The following MED26 variants were observed in gnomAD, a reference collection of about 807,000 sequenced individuals.
The protein encoded by MED26 is mediator complex subunit 26.
Under a neutral mutation model 43.7 loss-of-function variants are expected in MED26, and 7 were observed. The ratio of observed to expected loss-of-function variants is 0.16; its 90% CI spans 0.09 to 0.30. The LOEUF (loss-of-function observed/expected upper bound fraction) is 0.30. MED26 is among the 10% of genes least tolerant of loss of function. The pLI is 1.00. For synonymous variants in MED26, 375 were observed against 371.1 expected (o/e 1.01, Z -0.12); for missense variants, 784 against 840.6 (o/e 0.93, Z 0.83).
rs1045031545 is a variant in MED26 at position 16,576,300 on chromosome 19, G to C, written c.1530C>G (p.Phe510Leu). The C allele has an allele frequency of 6.2e-7, 1 of 1,612,826 alleles. No homozygotes were observed. Among genetic ancestry groups the C allele is most frequent in the Non-Finnish European group, 8.5e-7 (1 of 1,180,038 alleles). The change falls in exon 3 of 3, where the codon TTC (phenylalanine) becomes TTG (leucine). Residue 510 changes from phenylalanine (F) to leucine (L), a missense_variant. Coordinates refer to ENST00000263390, the MANE Select transcript of MED26 (RefSeq NM_004831.5). This position sits in a 1 kb window ranked among gnomAD's most constrained non-coding sequence, Gnocchi z 6.8. Reference sequence around the variant, plus strand: ...CCTCCTGCTTCAGGTACTCAGACATGAAGTGGTGAGCCCCTGGGGTCTGCG... The same window carrying C: ...CCTCCTGCTTCAGGTACTCAGACATCAAGTGGTGAGCCCCTGGGGTCTGCG... Reference protein sequence around the residue: ...SGAQTPGAHHFMSEYLKQEES... With the variant: ...SGAQTPGAHHLMSEYLKQEES...
chr19:16,577,508 C>T lies in MED26; in HGVS notation c.322G>A (p.Ala108Thr), dbSNP rs780334253. 7.5e-6 allele frequency: 12 copies of T among 1,596,334 alleles called. No individual in the cohort carries two copies. Among genetic ancestry groups the T allele is most frequent in the South Asian group, 2.2e-5 (2 of 90,408 alleles). ...AGATGSANGG[A>T]HNCRPEVGAA... Reference sequence around the variant, plus strand: ...CCCACCTCCGGCCGGCAGTTGTGTGCGCCCCCGTTGGCAGAGCCGGTGGCC... The same window carrying T: ...CCCACCTCCGGCCGGCAGTTGTGTGTGCCCCCGTTGGCAGAGCCGGTGGCC... The change falls in exon 3 of 3, where the codon GCA (alanine) becomes ACA (threonine). Residue 108 changes from alanine to threonine, a missense_variant. Transcript: ENST00000263390. This position sits in a 1 kb window ranked among gnomAD's most constrained non-coding sequence, Gnocchi z 8.1.
chr19:16,621,741 C>T (rs1029574400), intron 1 of MED26, among the ~76,000 whole-genome samples: 2 of 152,096 alleles, frequency 1.3e-5, no homozygotes, highest in Non-Finnish European at 2.9e-5. Context: ...CTCACAGTGC[C>T]CCCAGACTGT....
At chr19:16,609,336 A>AAAAAAAAAAAGAGAGAGAG (rs765489188) in intron 1 of MED26, among the ~76,000 whole-genome samples, 10 of 142,260 alleles carry the variant, frequency 7.0e-5, no homozygotes, top group Non-Finnish European at 1.2e-4. Context: ...AAAAAAAAAA[A>AAAAAAAAAAAGAGAGAGAG]AGAGAGAGAA....
chr19:16,616,740 C>T (rs919471866), intron 1 of MED26, among the ~76,000 whole-genome samples: 3 of 151,980 alleles, frequency 2.0e-5, no homozygotes, highest in Admixed American at 6.6e-5. Flanking sequence ...TCTTAAGGGC[C>T]GAAGACCGTG....
rs1465855391 is a variant in MED26 at position 16,576,727 on chromosome 19, G to C, written c.1103C>G (p.Ser368Cys). Residue 368 changes from serine (S) to cysteine (C), a missense_variant, in exon 3 of 3, where the codon TCC becomes TGC. Coordinates refer to ENST00000263390, the MANE Select transcript of MED26 (RefSeq NM_004831.5). The surrounding 1 kb of genome is among the most constrained non-coding windows in gnomAD (Gnocchi z 6.8). ...GGAGTCTGGGGAAAAGCCTGCCCGG[G>C]ACAGGAGGGGCTCGGCTGGGGACAG... ...AGLSPAEPLL[S>C]RAGFSPDSSK... The C allele has an allele frequency of 6.2e-7, 1 of 1,611,788 alleles. No homozygotes were observed. The highest frequency in any genetic ancestry group is 1.7e-5 in the Admixed American group (1 of 60,018).
intron 1 of MED26, among the ~76,000 whole-genome samples, chr19:16,580,891 G>C (rs925030102): frequency 1.3e-5 from 2 of 152,158 alleles, no homozygotes; most frequent in African/African-American, 4.8e-5. Flanking sequence ...CTGCCCAGAT[G>C]ATCTCGGATC....
intron 1 of MED26, among the ~76,000 whole-genome samples, chr19:16,627,582 G>A (rs1035070655): frequency 1.3e-5 from 2 of 152,234 alleles, no homozygotes; most frequent in Admixed American, 6.5e-5. Context: ...GAGCAGTGAG[G>A]GTCGTAGAGC....
chr19:16,627,828 G>A (rs1446243556), intron 1 of MED26, 44 bp downstream of exon 1: 4 of 1,420,112 alleles, frequency 2.8e-6, no homozygotes, highest in African/African-American at 3.0e-5. Context: ...GGAGGGTCCC[G>A]GGCCCATGCG....
chr19:16,619,467 G>A (rs547725302), intron 1 of MED26, among the ~76,000 whole-genome samples: 1 of 152,308 alleles, frequency 6.6e-6, no homozygotes, highest in East Asian at 1.9e-4. Context: ...GACTAGAACG[G>A]GGGACATCAA....
chr19:16,603,965 C>T (rs2086161368), intron 1 of MED26, among the ~76,000 whole-genome samples: 1 of 152,208 alleles, frequency 6.6e-6, no homozygotes, highest in Admixed American at 6.5e-5. Context: ...TGAAAACTAC[C>T]ACCCAGCACT....
At position 16,586,036 on chromosome 19, in the gene MED26, C is replaced by T. The variant is rs1002818103; in HGVS notation, c.73-7627G>A. ...GAGTCCCAGCAGCCCCTTGGCTTGC[C>T]TCTCCATTTTCTCCACATCTGAACT... On this transcript the variant is annotated intron_variant, in intron 1 of 2. Transcript: ENST00000263390. This position sits in a 1 kb window ranked among gnomAD's most constrained non-coding sequence, Gnocchi z 5.1. Among the ~76,000 whole-genome samples, 2 of 152,234 alleles carry T rather than the reference C, an allele frequency of 1.3e-5. No individual in the cohort carries two copies. Among genetic ancestry groups the T allele is most frequent in the African/African-American group, 2.4e-5 (1 of 41,448 alleles).
At chr19:16,592,249 G>A (rs573297025) in intron 1 of MED26, among the ~76,000 whole-genome samples, 2 of 152,308 alleles carry the variant, frequency 1.3e-5, no homozygotes, top group South Asian at 2.1e-4. Flanking sequence ...AAACCCTGAG[G>A]GGGTGTGATG....
At chr19:16,625,338 T>C (rs190059497) in intron 1 of MED26, among the ~76,000 whole-genome samples, 134 of 152,342 alleles carry the variant, frequency 8.8e-4, no homozygotes, top group African/African-American at 3.1e-3. Context: ...AAGGAGATGG[T>C]TGGTAAACAC....
At chr19:16,598,719 G>C (rs1455995213) in intron 1 of MED26, among the ~76,000 whole-genome samples, 7 of 152,064 alleles carry the variant, frequency 4.6e-5, no homozygotes, top group African/African-American at 1.7e-4. Context: ...ACAGACCCTG[G>C]GCCACTGAAG....
chr19:16,595,187 T>G (rs1417428538), intron 1 of MED26, among the ~76,000 whole-genome samples: 1 of 150,412 alleles, frequency 6.6e-6, no homozygotes, highest in African/African-American at 2.4e-5. Flanking sequence ...GTTGGACCCC[T>G]GTTTCAAAGC....
At chr19:16,603,620 G>A (rs898757383) in intron 1 of MED26, among the ~76,000 whole-genome samples, 6 of 152,108 alleles carry the variant, frequency 3.9e-5, no homozygotes, top group Non-Finnish European at 8.8e-5. Context: ...TCTCCCCATC[G>A]GTCAATAGCA....
At chr19:16,590,497 G>A (rs1007471905) in intron 1 of MED26, among the ~76,000 whole-genome samples, 6 of 152,206 alleles carry the variant, frequency 3.9e-5, no homozygotes, top group Non-Finnish European at 8.8e-5. Context: ...AGGAATAGAT[G>A]TCTGATTTTG....
At chr19:16,603,792 C>T (rs1393510408) in intron 1 of MED26, among the ~76,000 whole-genome samples, 1 of 152,148 alleles carries the variant, frequency 6.6e-6, no homozygotes, top group Admixed American at 6.5e-5. Context: ...GGAAGGGTCT[C>T]TGGCTCCGTA....
At chr19:16,603,932 C>T (rs2086161217) in intron 1 of MED26, among the ~76,000 whole-genome samples, 1 of 152,214 alleles carries the variant, frequency 6.6e-6, no homozygotes, top group Admixed American at 6.5e-5. Context: ...CCACAGAAGA[C>T]TCCCCTCCAT....
Sources: allele counts gnomAD v4.1 joint callset (sites outside exome capture counted in the v4.1 genomes callset), GRCh38; gene constraint gnomAD v4.1.1; non-coding constraint Gnocchi (gnomAD v3.1); transcripts MANE v1.5; gene names NCBI Gene and HGNC (gene_info 2026-07-23, HGNC 2026-07-21).